The following TMEM67 variants were observed in gnomAD, a reference collection of about 807,000 sequenced individuals.
The protein encoded by TMEM67 is meckelin.
TMEM67 carries 124 observed loss-of-function variants against 136.6 expected under a neutral mutation model. That is an observed-to-expected ratio of 0.91 (90% CI 0.78 to 1.05). The LOEUF (loss-of-function observed/expected upper bound fraction) is 1.05. Among genes scored for constraint, TMEM67 ranks in the 50% least tolerant of loss-of-function variants. TMEM67 has a pLI of 0.00. For synonymous variants in TMEM67, 364 were observed against 390.5 expected (o/e 0.93, Z 0.80); for missense variants, 1,107 against 1,178.4 (o/e 0.94, Z 0.89).
At chr8:93,821,871 G>C (rs1809046589), downstream of TMEM67, among the ~76,000 whole-genome samples, 1 of 152,136 alleles carries the variant, frequency 6.6e-6, no homozygotes, top group Non-Finnish European at 1.5e-5. Context: ...CAGCCTGCCT[G>C]GGTGACACAG....
At chr8:93,831,898 A>G in the TMEM67 span, among the ~76,000 whole-genome samples, 1 of 152,172 alleles carries the variant, frequency 6.6e-6, no homozygotes, top group Non-Finnish European at 1.5e-5. Flanking sequence ...TTAACATTAG[A>G]CAACTGCAAG....
At position 93,755,005 on chromosome 8, in the gene TMEM67, C is replaced by T. The variant is rs747100363; in HGVS notation, c.91C>T (p.Pro31Ser). ...AVTAFLLLFL[P>S]RFLQAQTFSF... Reference sequence around the variant, plus strand: ...GACCGCGTTCCTTCTGTTGTTCCTCCCTCGCTTCTTACAGGCCCAGACCTT... The same window carrying T: ...GACCGCGTTCCTTCTGTTGTTCCTCTCTCGCTTCTTACAGGCCCAGACCTT... Residue 31 changes from proline to serine, a missense_variant, in exon 1 of 28, where the codon CCT becomes TCT. Physicochemically the swap from Pro to Ser is moderately conservative, Grantham distance 74 (BLOSUM62 -1). Coordinates refer to ENST00000453321, the MANE Select transcript of TMEM67 (RefSeq NM_153704.6). 13 of 1,614,238 alleles carry T rather than the reference C, an allele frequency of 8.1e-6. No homozygotes were observed. Among genetic ancestry groups the T allele is most frequent in the Non-Finnish European group, 1.1e-5 (13 of 1,180,040 alleles).
intron 7 of TMEM67, among the ~76,000 whole-genome samples, chr8:93,779,915 G>C (rs1813735592): frequency 6.6e-6 from 1 of 152,212 alleles, no homozygotes; most frequent in South Asian, 2.1e-4. Context: ...AGAGCTGTCA[G>C]ACAGGGATGT....
At chr8:93,806,529 C>T (rs938180854) in intron 23 of TMEM67, among the ~76,000 whole-genome samples, 1 of 152,050 alleles carries the variant, frequency 6.6e-6, no homozygotes, top group Admixed American at 6.6e-5. Flanking sequence ...GAGTAGTTTA[C>T]TATTCTCTCT....
At chr8:93,780,775 T>C in intron 8 of TMEM67, 28 bp downstream of exon 8, 1 of 1,612,946 alleles carries the variant, frequency 6.2e-7, no homozygotes, top group Non-Finnish European at 8.5e-7. Flanking sequence ...GATGAAATGT[T>C]ATTTTGACTG....
At chr8:93,787,335 T>C (rs564386101) in intron 13 of TMEM67, among the ~76,000 whole-genome samples, 1 of 152,190 alleles carries the variant, frequency 6.6e-6, no homozygotes, top group African/African-American at 2.4e-5. Flanking sequence ...CTTGAACTCC[T>C]GGGCTCAAAC....
In TMEM67 at chr8:93,799,137, G is replaced by T. The variant is rs891534763; in HGVS notation, c.2101-481G>T. Among the ~76,000 whole-genome samples the T allele has an allele frequency of 5.9e-5, 9 of 152,286 alleles. No individual in the cohort carries two copies. The South Asian group carries it at 1.2e-3, about 21-fold the overall frequency. On this transcript the variant is annotated intron_variant, in intron 20 of 27. Transcript: ENST00000453321. Reference sequence around the variant, plus strand: ...CTACAAGGGTGGGAGGCATGGAGGTGAGTGTAATGGATGGACCAAAAGTAT... The same window carrying T: ...CTACAAGGGTGGGAGGCATGGAGGTTAGTGTAATGGATGGACCAAAAGTAT...
chr8:93,773,846 T>G (rs1479494966), intron 7 of TMEM67, among the ~76,000 whole-genome samples: 1 of 152,108 alleles, frequency 6.6e-6, no homozygotes, highest in East Asian at 1.9e-4. Flanking sequence ...TGCTATGAGT[T>G]TTTCCTTAGT....
intron 6 of TMEM67, among the ~76,000 whole-genome samples, chr8:93,768,935 C>G (rs1813203899): frequency 6.6e-6 from 1 of 151,832 alleles, no homozygotes; most frequent in Non-Finnish European, 1.5e-5. Context: ...TTTAAACATA[C>G]CAGATTTTTT....
intron 21 of TMEM67, among the ~76,000 whole-genome samples, chr8:93,800,474 T>G (rs930215736): frequency 2.0e-5 from 3 of 152,198 alleles, no homozygotes; most frequent in Non-Finnish European, 4.4e-5. Context: ...GGGTGGATTT[T>G]GGTATACTTG....
chr8:93,763,059 AT>A, intron 3 of TMEM67: 1 of 263,670 alleles, frequency 3.8e-6, no homozygotes. Context: ...AGTAGCTGGG[AT>A]TACAGGCACG....
chr8:93,775,336 T>C (rs1310307590), intron 7 of TMEM67, among the ~76,000 whole-genome samples: 1 of 152,252 alleles, frequency 6.6e-6, no homozygotes, highest in Non-Finnish European at 1.5e-5. Context: ...TCTTTTGCTG[T>C]GCAGAAGCTC....
chr8:93,783,155 C>A (rs1301737194), intron 11 of TMEM67, among the ~76,000 whole-genome samples: 1 of 152,014 alleles, frequency 6.6e-6, no homozygotes, highest in Non-Finnish European at 1.5e-5. Flanking sequence ...CCAGCTAATT[C>A]TTGTGTTTTG....
At chr8:93,775,044 C>T (rs181353305) in intron 7 of TMEM67, among the ~76,000 whole-genome samples, 24 of 152,292 alleles carry the variant, frequency 1.6e-4, no homozygotes, top group Non-Finnish European at 3.2e-4. Context: ...TTAATGATCA[C>T]CATTTTAACT....
At chr8:93,764,846 T>A (rs1212304308) in intron 4 of TMEM67, among the ~76,000 whole-genome samples, 1 of 152,162 alleles carries the variant, frequency 6.6e-6, no homozygotes, top group Non-Finnish European at 1.5e-5. Context: ...TACCCATATA[T>A]TCACTCATCA....
intron 14 of TMEM67, 53 bp downstream of exon 14, chr8:93,788,002 G>T: frequency 1.5e-6 from 2 of 1,317,906 alleles, no homozygotes; most frequent in Non-Finnish European, 2.2e-6. Flanking sequence ...GTATAATACT[G>T]ATTCAGTTTA....
chr8:93,783,720 C>T (rs558396208), intron 11 of TMEM67, among the ~76,000 whole-genome samples: 2 of 152,288 alleles, frequency 1.3e-5, no homozygotes, highest in South Asian at 4.1e-4. Context: ...AGGAAACTTA[C>T]AATCATGGTG....
chr8:93,771,271 C>T (rs1447239364), intron 6 of TMEM67, among the ~76,000 whole-genome samples: 2 of 150,150 alleles, frequency 1.3e-5, no homozygotes, highest in African/African-American at 2.5e-5. Context: ...TAAAAAAAAG[C>T]TTTATTATGA....
the TMEM67 span, among the ~76,000 whole-genome samples, chr8:93,832,497 G>C: frequency 6.6e-6 from 1 of 151,978 alleles, no homozygotes; most frequent in East Asian, 1.9e-4. Flanking sequence ...GACCCCTCTA[G>C]GTATTTTTCA....
Sources: gnomAD v4.1 joint callset for allele counts (sites outside exome capture counted in the v4.1 genomes callset) on GRCh38, gnomAD v4.1.1 for gene constraint, MANE v1.5 for transcripts, NCBI Gene and HGNC (gene_info 2026-07-23, HGNC 2026-07-21) for gene names.